The following SASH1 variants were observed in gnomAD, a reference collection of about 807,000 sequenced individuals.
SASH1 encodes the protein SAM and SH3 domain containing 1.
A neutral mutation model predicts 125.2 loss-of-function variants in SASH1; 44 were observed. That is an observed-to-expected ratio of 0.35 (90% CI 0.28 to 0.45). SASH1 has a LOEUF of 0.45. SASH1 is among the 20% of genes least tolerant of loss of function. The pLI is 1.00. For missense variants in SASH1, 1,426 were observed against 1,614.5 expected, an observed-to-expected ratio of 0.88 and a Z score of 2.00; for synonymous variants, 639 against 649.1, an observed-to-expected ratio of 0.98 and a Z score of 0.24.
At position 148,527,482 on chromosome 6, in the gene SASH1, A is replaced by C. The variant is rs138181205; in HGVS notation, c.1314A>C (p.Glu438Asp). Residue 438 changes from glutamate (E) to aspartate (D), a missense_variant, in exon 12 of 20, where the codon GAA becomes GAC. This residue lies in a region of SASH1 where 567 missense variants were observed against 575.6 expected (regional missense o/e 0.99). Coordinates refer to ENST00000367467, the MANE Select transcript of SASH1 (RefSeq NM_015278.5). Reference protein sequence around the residue: ...MGKEGDFVYKEVIKSPTASRI... With the variant: ...MGKEGDFVYKDVIKSPTASRI... ...AAGAAGGAGACTTTGTGTACAAAGA[A>C]GTCATCAAATCACCTACTGCCTCTC... The C allele has an allele frequency of 1.2e-5, 20 of 1,607,972 alleles. No individual in the cohort carries two copies. Among genetic ancestry groups the C allele is most frequent in the Middle Eastern group, 1.7e-4 (1 of 6,054 alleles).
chr6:148,506,972 G>A (rs1562465988), intron 8 of SASH1, among the ~76,000 whole-genome samples: 1 of 152,192 alleles, frequency 6.6e-6, no homozygotes, highest in African/African-American at 2.4e-5. Context: ...GGAATGCTAA[G>A]CTTTGGACAA....
intron 8 of SASH1, among the ~76,000 whole-genome samples, chr6:148,492,429 T>C (rs964501959): frequency 6.6e-6 from 1 of 152,214 alleles, no homozygotes; most frequent in Non-Finnish European, 1.5e-5. Flanking sequence ...CCTTGCTATA[T>C]AGCAGGCATT....
At chr6:148,418,737 A>G (rs762582155) in intron 2 of SASH1, among the ~76,000 whole-genome samples, 1 of 152,226 alleles carries the variant, frequency 6.6e-6, no homozygotes, top group Non-Finnish European at 1.5e-5. Context: ...GAGTACAGAT[A>G]GCGTGGTGCA....
At position 148,546,126 on chromosome 6, in the gene SASH1, C is replaced by T. The variant is rs762009827; in HGVS notation, c.3460C>T (p.Arg1154Trp). 43 of 1,614,016 alleles carry T rather than the reference C, an allele frequency of 2.7e-5. No individual in the cohort carries two copies. The highest frequency in any genetic ancestry group is 3.3e-5 in the Admixed American group (2 of 59,988). The change falls in exon 19 of 20, where the codon CGG becomes TGG. Residue 1154 changes from arginine to tryptophan, a missense_variant. By Grantham distance (101) the Arg-to-Trp change is moderately radical. Transcript: ENST00000367467. ...NMDQIRVKQL[R>W]KQHRMAIPSG... Reference sequence around the variant, plus strand: ...GGACCAGATCCGGGTGAAGCAGCTTCGGAAGCAGCACCGCATGGCGGTGAG... The same window carrying T: ...GGACCAGATCCGGGTGAAGCAGCTTTGGAAGCAGCACCGCATGGCGGTGAG...
intron 2 of SASH1, among the ~76,000 whole-genome samples, chr6:148,415,355 A>T (rs1419264757): frequency 6.6e-6 from 1 of 152,214 alleles, no homozygotes; most frequent in African/African-American, 2.4e-5. Flanking sequence ...AGGAAATAGT[A>T]TCACTTTTCT....
intron 1 of SASH1, among the ~76,000 whole-genome samples, chr6:148,386,301 G>T (rs551857541): frequency 6.6e-6 from 1 of 152,320 alleles, no homozygotes; most frequent in South Asian, 2.1e-4. Context: ...GAAGAAAGTA[G>T]TTTGGACAAA....
intron 4 of SASH1, among the ~76,000 whole-genome samples, chr6:148,451,987 G>C (rs1777121292): frequency 6.6e-6 from 1 of 152,134 alleles, no homozygotes. Flanking sequence ...ATGTCACACA[G>C]AGGCATGCCC....
intron 2 of SASH1, among the ~76,000 whole-genome samples, chr6:148,431,322 C>T (rs1222992921): frequency 6.6e-6 from 1 of 152,126 alleles, no homozygotes; most frequent in East Asian, 1.9e-4. Flanking sequence ...CCTTAGCCTC[C>T]CTAGTGGCTG....
intron 2 of SASH1, among the ~76,000 whole-genome samples, chr6:148,438,346 A>G (rs1776381548): frequency 6.6e-6 from 1 of 152,266 alleles, no homozygotes; most frequent in Admixed American, 6.5e-5. Context: ...TGTAAGCACC[A>G]GAAATGTCCA....
At chr6:148,214,513 T>C in the SASH1 span, among the ~76,000 whole-genome samples, 1 of 152,214 alleles carries the variant, frequency 6.6e-6, no homozygotes, top group African/African-American at 2.4e-5. Flanking sequence ...CAAGTATTAA[T>C]TGAGATAATA....
At chr6:148,263,471 A>C in the SASH1 span, among the ~76,000 whole-genome samples, 1 of 152,190 alleles carries the variant, frequency 6.6e-6, no homozygotes, top group African/African-American at 2.4e-5. Flanking sequence ...CCTCATTGAT[A>C]ATGTAATAAC....
At chr6:148,296,647 G>A (rs1297112691) in intron 1 of SASH1, among the ~76,000 whole-genome samples, 1 of 152,154 alleles carries the variant, frequency 6.6e-6, no homozygotes. Flanking sequence ...TGCTCTGTCC[G>A]ACTCAAAAGG....
At chr6:148,449,798 A>G (rs1355803442) in intron 4 of SASH1, among the ~76,000 whole-genome samples, 2 of 152,160 alleles carry the variant, frequency 1.3e-5, no homozygotes, top group Non-Finnish European at 2.9e-5. Flanking sequence ...GTGGGGTGAT[A>G]ACATGGTGAA....
chr6:148,429,726 G>C (rs1321149867), intron 2 of SASH1, among the ~76,000 whole-genome samples: 1 of 151,828 alleles, frequency 6.6e-6, no homozygotes, highest in Non-Finnish European at 1.5e-5. Flanking sequence ...CTGGGCGACA[G>C]AGCAAGATCC....
At chr6:148,203,639 G>A in the SASH1 span, among the ~76,000 whole-genome samples, 4 of 152,204 alleles carry the variant, frequency 2.6e-5, no homozygotes, top group Non-Finnish European at 5.9e-5. Context: ...ATATGTGTGA[G>A]TCCTTTCTGC....
intron 8 of SASH1, among the ~76,000 whole-genome samples, chr6:148,510,231 G>T (rs1339533761): frequency 6.6e-6 from 1 of 152,236 alleles, no homozygotes; most frequent in African/African-American, 2.4e-5. Context: ...AAAATCTGCA[G>T]AGGAGAGGCT....
upstream of SASH1, among the ~76,000 whole-genome samples, chr6:148,269,447 A>G (rs557794982): frequency 3.6e-4 from 55 of 152,260 alleles, no homozygotes; most frequent in South Asian, 0.011. Flanking sequence ...TGTTTCAAAT[A>G]GTTTATAGAG....
At chr6:148,525,135 A>G (rs903331182) in intron 10 of SASH1, 156 bp from the exon 11 acceptor site, 1 of 643,030 alleles carries the variant, frequency 1.6e-6, no homozygotes, top group East Asian at 2.6e-5. Flanking sequence ...GACATGACTC[A>G]TGTGTTTTTT....
At chr6:148,398,139 A>C (rs1784031660) in intron 2 of SASH1, among the ~76,000 whole-genome samples, 1 of 152,196 alleles carries the variant, frequency 6.6e-6, no homozygotes, top group African/African-American at 2.4e-5. Context: ...TATGGTATAA[A>C]CGATGTGAGG....
Sources: allele counts gnomAD v4.1 joint callset (sites outside exome capture counted in the v4.1 genomes callset), GRCh38; gene constraint gnomAD v4.1.1; regional missense constraint gnomAD v4.1.1; transcripts MANE v1.5; gene names NCBI Gene and HGNC (gene_info 2026-07-23, HGNC 2026-07-21).